The following FAM222B variants were observed in gnomAD, a reference collection of about 807,000 sequenced individuals.
FAM222B encodes the protein family with sequence similarity 222 member B.
In FAM222B, 12 loss-of-function variants were observed where a neutral mutation model predicts 38.0. The ratio of observed to expected loss-of-function variants is 0.32; its 90% CI spans 0.20 to 0.51. The LOEUF (loss-of-function observed/expected upper bound fraction) is 0.51, where lower values mean the gene tolerates loss of function less well. Ranked by LOEUF, FAM222B falls within the 20% of genes least tolerant of loss-of-function variation. The pLI is 0.97. For synonymous variants in FAM222B, 329 were observed against 317.2 expected (o/e 1.04, Z -0.40); for missense variants, 716 against 754.2 (o/e 0.95, Z 0.59).
At chr17:28,811,111 A>G (rs1200690542) in intron 1 of FAM222B, among the ~76,000 whole-genome samples, 1 of 152,172 alleles carries the variant, frequency 6.6e-6, no homozygotes, top group Non-Finnish European at 1.5e-5. Flanking sequence ...GCTAATCAAC[A>G]TTAAGATAAA....
intron 1 of FAM222B, chr17:28,849,506 C>A (rs2039167654): frequency 6.6e-6 from 1 of 152,452 alleles, no homozygotes; most frequent in African/African-American, 2.4e-5. Context: ...ATTCTGGCCC[C>A]CCTTCTACTC....
chr17:28,845,620 G>C (rs1188838792), upstream of FAM222B, among the ~76,000 whole-genome samples: 1 of 151,772 alleles, frequency 6.6e-6, no homozygotes, highest in African/African-American at 2.4e-5. Flanking sequence ...AATAGGCCAG[G>C]CACAGTGGGT....
At chr17:28,767,760 G>A (rs1426582224) in intron 1 of FAM222B, among the ~76,000 whole-genome samples, 6 of 152,318 alleles carry the variant, frequency 3.9e-5, no homozygotes. Flanking sequence ...ACAGTCATGA[G>A]CCACCGCACC....
upstream of FAM222B, among the ~76,000 whole-genome samples, chr17:28,844,095 GT>G (rs1479614129): frequency 6.6e-6 from 1 of 152,174 alleles, no homozygotes; most frequent in Non-Finnish European, 1.5e-5. Flanking sequence ...CCAACTGTCA[GT>G]CCCTAGACTA....
intron 1 of FAM222B, among the ~76,000 whole-genome samples, chr17:28,769,657 TA>T (rs2035528408): frequency 6.6e-6 from 1 of 152,204 alleles, no homozygotes; most frequent in South Asian, 2.1e-4. Context: ...CATCTAAGAA[TA>T]AAATACAAAA....
chr17:28,758,278 A>G lies in FAM222B; in HGVS notation c.1681T>C (p.Tyr561His). Reference sequence around the variant, plus strand: ...GAGGGCAGCAGGGCTACCTATCTATACCCTGGGTGCTGAATATGAAGACTT... The same window carrying G: ...GAGGGCAGCAGGGCTACCTATCTATGCCCTGGGTGCTGAATATGAAGACTT... ...SRSLHIQHPG[Y>H]R The change falls in exon 3 of 3, where the codon TAT becomes CAT. Residue 561 changes from tyrosine to histidine, a missense_variant. Transcript: ENST00000581407. 6.3e-7 allele frequency: 1 copy of G among 1,582,184 alleles called. No individual in the cohort carries two copies. Among genetic ancestry groups the G allele is most frequent in the Non-Finnish European group, 8.6e-7 (1 of 1,164,452 alleles).
chr17:28,808,638 A>T (rs2037601694), intron 1 of FAM222B, among the ~76,000 whole-genome samples: 1 of 152,220 alleles, frequency 6.6e-6, no homozygotes, highest in South Asian at 2.1e-4. Context: ...CAACTTCCTC[A>T]AAAGATTCAG....
At chr17:28,760,528 C>T (rs1392926531) in intron 2 of FAM222B, among the ~76,000 whole-genome samples, 2 of 151,616 alleles carry the variant, frequency 1.3e-5, no homozygotes, top group African/African-American at 2.4e-5. Flanking sequence ...TGCAGTGAGC[C>T]GACATCGCAC....
intron 1 of FAM222B, among the ~76,000 whole-genome samples, chr17:28,811,267 G>C (rs748541401): frequency 3.3e-5 from 5 of 151,922 alleles, no homozygotes; most frequent in Non-Finnish European, 7.4e-5. Flanking sequence ...GGTGAAACCC[G>C]GTCACTACTA....
In FAM222B at chr17:28,756,267, G is replaced by A. The variant is rs1045833839; in HGVS notation, c.*2003C>T. ...CACACCAAAGGCGAGGGCAGTTGGGGGCAGGGGGATCACAGTACATTTTCC... is the reference window on the plus strand; with the variant it reads ...CACACCAAAGGCGAGGGCAGTTGGGAGCAGGGGGATCACAGTACATTTTCC... On this transcript the variant is annotated 3_prime_UTR_variant, in exon 3 of 3. Transcript: ENST00000581407. 1.3e-5 allele frequency: 2 copies of A among 152,878 alleles called. No individual in the cohort carries two copies. Among genetic ancestry groups the A allele is most frequent in the Middle Eastern group, 6.7e-3 (2 of 298 alleles). The allele number at this position is 152,878 out of a possible 1,614,324, so 9.5% of individuals were successfully genotyped here.
intron 1 of FAM222B, among the ~76,000 whole-genome samples, chr17:28,828,258 C>A (rs1259148478): frequency 6.6e-6 from 1 of 150,914 alleles, no homozygotes; most frequent in Non-Finnish European, 1.5e-5. Flanking sequence ...AAGAGGGAAA[C>A]CTTGTCTCAA....
At chr17:28,790,892 TTTTTTTTTTTTTTTTTTTTTTTTA>T (rs2036642810) in intron 1 of FAM222B, among the ~76,000 whole-genome samples, 1 of 94,440 alleles carries the variant, frequency 1.1e-5, no homozygotes, top group Non-Finnish European at 2.3e-5. Context: ...CACTTTTTTT[TTTTTTTTTTTTTTTTTTTTTTTTA>T]GAGACAGAAT....
chr17:28,814,094 G>A (rs982103547), intron 1 of FAM222B, among the ~76,000 whole-genome samples: 13 of 151,308 alleles, frequency 8.6e-5, no homozygotes, highest in South Asian at 2.1e-4. Flanking sequence ...TAACTCGCAC[G>A]GTAGTCCCAG....
chr17:28,778,719 A>ATT (rs59098589), intron 1 of FAM222B, among the ~76,000 whole-genome samples: 12 of 25,482 alleles, frequency 4.7e-4, no homozygotes, highest in East Asian at 2.3e-3. Context: ...ATATATATAT[A>ATT]TTTTTTTTTT....
chr17:28,791,111 T>A (rs952758067), intron 1 of FAM222B, among the ~76,000 whole-genome samples: 1 of 151,512 alleles, frequency 6.6e-6, no homozygotes, highest in African/African-American at 2.4e-5. Flanking sequence ...GGGGTTTCAC[T>A]GGGCTAGCCA....
intron 1 of FAM222B, among the ~76,000 whole-genome samples, chr17:28,811,071 T>A (rs924066855): frequency 3.2e-4 from 49 of 151,394 alleles, no homozygotes; most frequent in African/African-American, 9.9e-4. Context: ...AAAAAAAAAA[T>A]ATTCATCCCT....
In FAM222B at chr17:28,805,871, G is replaced by A. The variant is rs541781869; in HGVS notation, c.-41+36811C>T. On this transcript the variant is annotated intron_variant, in intron 1 of 2. Transcript: ENST00000581407. The stretch of plus-strand genomic sequence containing the variant: ...AAATGTGCCCTTGAGGCAGGGCACG[G>A]TGGGTCACGCCTGTAATCCCAGCAC... Among the ~76,000 whole-genome samples the A allele has an allele frequency of 8.1e-4, 124 of 152,278 alleles. 1 individual carries two copies. Among genetic ancestry groups the A allele is most frequent in the African/African-American group, 2.9e-3 (119 of 41,556 alleles).
intron 1 of FAM222B, among the ~76,000 whole-genome samples, chr17:28,769,971 A>G (rs2035544394): frequency 6.6e-6 from 1 of 152,178 alleles, no homozygotes; most frequent in African/African-American, 2.4e-5. Context: ...CTCCATGTCT[A>G]AAACAGTATC....
upstream of FAM222B, among the ~76,000 whole-genome samples, chr17:28,843,172 C>G (rs1280837909): frequency 6.8e-6 from 1 of 147,262 alleles, no homozygotes; most frequent in Non-Finnish European, 1.5e-5. Context: ...AAGTTTCGCT[C>G]TTGTTGTCCA....
Sources: gnomAD v4.1 joint callset for allele counts (sites outside exome capture counted in the v4.1 genomes callset) on GRCh38, gnomAD v4.1.1 for gene constraint, MANE v1.5 for transcripts, NCBI Gene and HGNC (gene_info 2026-07-23, HGNC 2026-07-21) for gene names.